NELL2: variants seen among roughly 807,000 people sequenced by gnomAD.
NELL2 encodes the protein protein kinase C-binding protein NELL2.
In NELL2, 41 loss-of-function variants were observed where a neutral mutation model predicts 109.6. The ratio of observed to expected loss-of-function variants is 0.37; its 90% CI spans 0.29 to 0.49. The LOEUF (loss-of-function observed/expected upper bound fraction) is 0.49. Ranked by LOEUF, NELL2 falls within the 20% of genes least tolerant of loss-of-function variation. The pLI is 0.98. For missense variants in NELL2, 900 were observed against 1,008.3 expected (o/e 0.89, Z 1.45); for synonymous variants, 355 against 344.7 (o/e 1.03, Z -0.33).
At position 44,775,976 on chromosome 12, in the gene NELL2, G is replaced by A. The variant is rs112964284; in HGVS notation, c.891+46C>T. 5.7e-5 allele frequency: 90 copies of A among 1,591,434 alleles called. 1 individual carries two copies. The African/African-American group carries it at 8.9e-4, about 16-fold the overall frequency. On this transcript the variant is annotated intron_variant, in intron 8 of 19. Transcript: ENST00000429094. ...TTGTTTTAATAAATTTTTAAAGAGT[G>A]GGAGCATCTGAGTTCCCTTAGTCTC...
intron 9 of NELL2, among the ~76,000 whole-genome samples, chr12:44,734,030 A>G (rs1939509057): frequency 6.6e-6 from 1 of 152,016 alleles, no homozygotes; most frequent in Non-Finnish European, 1.5e-5. Flanking sequence ...TGGACATTTA[A>G]TCACATTCAA....
At chr12:44,590,977 C>A (rs1181802977) in intron 15 of NELL2, among the ~76,000 whole-genome samples, 1 of 150,590 alleles carries the variant, frequency 6.6e-6, no homozygotes, top group Non-Finnish European at 1.5e-5. Flanking sequence ...TCTGGATTGA[C>A]ATTTCTCAAC....
At chr12:44,724,819 A>G (rs556429967) in intron 9 of NELL2, among the ~76,000 whole-genome samples, 39 of 141,982 alleles carry the variant, frequency 2.7e-4, no homozygotes, top group African/African-American at 8.9e-4. Context: ...CCTAAGGGGA[A>G]AAAAAAAAAA....
At chr12:44,739,060 A>C (rs970584221) in intron 9 of NELL2, among the ~76,000 whole-genome samples, 2 of 152,194 alleles carry the variant, frequency 1.3e-5, no homozygotes, top group Non-Finnish European at 2.9e-5. Context: ...ACACACACAT[A>C]CATATTTTCC....
At chr12:44,644,584 A>ATATATATATATATATATG (rs1946992534) in intron 13 of NELL2, among the ~76,000 whole-genome samples, 1 of 90,110 alleles carries the variant, frequency 1.1e-5, no homozygotes, top group Non-Finnish European at 1.9e-5. Flanking sequence ...AGTAAAGTAT[A>ATATATATATATATATATG]TATATATATA....
intron 1 of NELL2, among the ~76,000 whole-genome samples, chr12:44,920,858 A>G (rs1945863523): frequency 6.6e-6 from 1 of 152,216 alleles, no homozygotes; most frequent in Non-Finnish European, 1.5e-5. Context: ...AATACTTTAC[A>G]TAAAAATGGG....
chr12:44,688,035 CA>C (rs1358052934), intron 12 of NELL2, among the ~76,000 whole-genome samples: 1 of 152,122 alleles, frequency 6.6e-6, no homozygotes, highest in Non-Finnish European at 1.5e-5. Context: ...ATGTAATTAT[CA>C]AGTATTTTAA....
rs1555217730 is a variant in NELL2, at chr12:44,791,100, T to TATATACACAC, written c.336-11079_336-11078insGTGTGTATAT. 6.8e-4 allele frequency among the ~76,000 whole-genome samples: 17 copies of TATATACACAC among 24,842 alleles called. 1 individual carries two copies. The East Asian group carries it at 8.4e-3, about 12-fold the overall frequency. 16.3% of individuals were successfully genotyped at this position (24,842 alleles called of 152,430 possible). A position where few individuals can be genotyped will look rare whatever the true frequency, so the allele number is the denominator to read the frequency against. On this transcript the variant is annotated intron_variant, in intron 3 of 19. Coordinates refer to ENST00000429094, the MANE Select transcript of NELL2 (RefSeq NM_001145108.2). ...ATATATACATATATATATATATGTA[T>TATATACACAC]ATATATATGTATATATATATGTATA... is the stretch of plus-strand genomic sequence containing the variant.
At chr12:44,848,848 C>G (rs915139978) in intron 2 of NELL2, among the ~76,000 whole-genome samples, 2 of 152,086 alleles carry the variant, frequency 1.3e-5, no homozygotes, top group Non-Finnish European at 2.9e-5. Context: ...AGCCAGTAAC[C>G]CCCAAGTGGC....
At chr12:44,590,785 C>G (rs538513150) in intron 15 of NELL2, among the ~76,000 whole-genome samples, 1 of 151,532 alleles carries the variant, frequency 6.6e-6, no homozygotes. Context: ...TAGATCAAAC[C>G]GAAAAGCTTC....
chr12:44,616,551 A>G (rs191941081), intron 13 of NELL2, among the ~76,000 whole-genome samples: 5 of 152,312 alleles, frequency 3.3e-5, no homozygotes, highest in African/African-American at 1.2e-4. Context: ...CTTGGAGCAG[A>G]GAAGCCCATA....
At chr12:44,885,707 A>G (rs1041827284) in intron 1 of NELL2, among the ~76,000 whole-genome samples, 3 of 151,990 alleles carry the variant, frequency 2.0e-5, no homozygotes, top group African/African-American at 7.3e-5. Flanking sequence ...AATTATCTTC[A>G]TATTGATATA....
intron 3 of NELL2, 22 bp downstream of exon 3, chr12:44,815,964 A>T (rs1252064234): frequency 6.3e-7 from 1 of 1,598,374 alleles, no homozygotes. Context: ...AAAACACAGG[A>T]AACTCCAGCA....
rs185856123 is a variant in NELL2, at chr12:44,593,631, G to C, written c.1663+13538C>G. Among the ~76,000 whole-genome samples the C allele has an allele frequency of 6.5e-3, 985 of 152,254 alleles. 14 individuals carry two copies. Among genetic ancestry groups the C allele is most frequent in the African/African-American group, 0.023 (945 of 41,532 alleles). On this transcript the variant is annotated intron_variant, in intron 15 of 19. Transcript: ENST00000429094. ...ATATACCCAGTAACGGGATTGCTGG[G>C]TCAAATGGTATTTCTGGTTCTAGAT...
Position 44,816,141 on chromosome 12 carries a change from A to G in NELL2, c.185-5T>C. ...CTTTTATGCTTCTGGGAGTATCTAA[A>G]AAAGAAACAAACATATACTAAGAAT... On this transcript the variant is annotated splice_polypyrimidine_tract_variant and splice_region_variant and intron_variant, in intron 2 of 19. Transcript: ENST00000429094. 6.3e-7 allele frequency: 1 copy of G among 1,582,688 alleles called. No homozygotes were observed.
At chr12:44,523,785 T>G in intron 16 of NELL2, 1 of 356,752 alleles carries the variant, frequency 2.8e-6, no homozygotes, top group Non-Finnish European at 5.1e-6. Context: ...AGTAAGAATA[T>G]GACTCAATTT....
intron 17 of NELL2, among the ~76,000 whole-genome samples, chr12:44,522,609 T>C (rs1941588664): frequency 6.6e-6 from 1 of 152,226 alleles, no homozygotes. Context: ...ATTTAAAACC[T>C]ATGTTTTTGT....
At position 44,536,956 on chromosome 12, in the gene NELL2, G is replaced by A. The variant is rs78448250; in HGVS notation, c.1664-4235C>T. 9.2e-3 allele frequency among the ~76,000 whole-genome samples: 1,282 copies of A among 139,694 alleles called. 10 individuals are homozygous for A. Among genetic ancestry groups the A allele is most frequent in the Middle Eastern group, 0.035 (9 of 254 alleles). 91.6% of individuals were successfully genotyped at this position (139,694 alleles called of 152,430 possible). ...GGTAGATTTCCTAGAAAGCACACATGTTTTGAGGCAATCATTAAAAACAAA... is the reference window on the plus strand; with the variant it reads ...GGTAGATTTCCTAGAAAGCACACATATTTTGAGGCAATCATTAAAAACAAA... On this transcript the variant is annotated intron_variant, in intron 15 of 19. Coordinates refer to ENST00000429094, the MANE Select transcript of NELL2 (RefSeq NM_001145108.2).
At chr12:44,834,436 CTTT>C (rs36048159) in intron 2 of NELL2, among the ~76,000 whole-genome samples, 1,867 of 131,538 alleles carry the variant, frequency 0.014, 35 homozygotes, top group African/African-American at 0.05. Context: ...CACACGCATT[CTTT>C]TTTTTTTTTT....
Sources: allele counts gnomAD v4.1 joint callset (sites outside exome capture counted in the v4.1 genomes callset), GRCh38; gene constraint gnomAD v4.1.1; transcripts MANE v1.5; gene names NCBI Gene and HGNC (gene_info 2026-07-23, HGNC 2026-07-21).